The following AGBL1 variants were observed in gnomAD, a reference collection of about 807,000 sequenced individuals.
AGBL1 encodes cytosolic carboxypeptidase 4.
AGBL1 carries 130 observed loss-of-function variants against 118.9 expected under a neutral mutation model. The ratio of observed to expected loss-of-function variants is 1.09; its 90% confidence interval spans 0.95 to 1.26. AGBL1 has a LOEUF of 1.26. Among genes scored for constraint, AGBL1 ranks in the 50% most tolerant of loss-of-function variants. The pLI, the probability that AGBL1 is intolerant of heterozygous loss-of-function variation, is 0.00. For synonymous variants in AGBL1, 555 were observed against 478.9 expected (o/e 1.16, Z -2.08); for missense variants, 1,584 against 1,298.1 (o/e 1.22, Z -3.38).
At chr15:86,597,955 T>C (rs1181674604) in intron 21 of AGBL1, among the ~76,000 whole-genome samples, 1 of 152,124 alleles carries the variant, frequency 6.6e-6, no homozygotes, top group Non-Finnish European at 1.5e-5. Flanking sequence ...TTGTTGATAG[T>C]CCTGATCATC....
intron 21 of AGBL1, among the ~76,000 whole-genome samples, chr15:86,562,802 T>C (rs143734907): frequency 0.04 from 6,155 of 152,268 alleles, 418 homozygotes; most frequent in African/African-American, 0.14. Flanking sequence ...AGGCTATTAA[T>C]TATTGCCTCA....
At chr15:86,675,126 G>A (rs1056237253) in intron 22 of AGBL1, among the ~76,000 whole-genome samples, 5 of 152,140 alleles carry the variant, frequency 3.3e-5, no homozygotes, top group Non-Finnish European at 5.9e-5. Context: ...AGAGGAGAGA[G>A]GATGGAGGGG....
intron 22 of AGBL1, among the ~76,000 whole-genome samples, chr15:86,827,360 TATGTGTGTGTATATATATATATAC>T (rs1596524826): frequency 4.9e-4 from 4 of 8,128 alleles, no homozygotes; most frequent in South Asian, 5.2e-3. Context: ...TATATATATA[TATGTGTGTGTATATATATATATAC>T]ACATATATAT....
chr15:87,020,480 C>G (rs1469117847), intron 24 of AGBL1, among the ~76,000 whole-genome samples: 2 of 151,930 alleles, frequency 1.3e-5, no homozygotes, highest in African/African-American at 4.8e-5. Flanking sequence ...CTATTCAACA[C>G]AGTATTGGAT....
intron 19 of AGBL1, among the ~76,000 whole-genome samples, chr15:86,523,239 G>C (rs1428130381): frequency 2.0e-5 from 3 of 152,214 alleles, no homozygotes; most frequent in African/African-American, 7.2e-5. Context: ...TTCTTTGTCT[G>C]TTCCAGCTTC....
intron 18 of AGBL1, among the ~76,000 whole-genome samples, chr15:86,416,270 C>CT (rs1447449123): frequency 6.6e-6 from 1 of 151,974 alleles, no homozygotes; most frequent in African/African-American, 2.4e-5. Context: ...ATGGCCTATT[C>CT]CAATATAATG....
At chr15:86,517,665 G>C (rs917039578) in intron 18 of AGBL1, among the ~76,000 whole-genome samples, 1 of 151,956 alleles carries the variant, frequency 6.6e-6, no homozygotes, top group African/African-American at 2.4e-5. Flanking sequence ...TTGCTCTCTG[G>C]ATTATTGACT....
At chr15:86,595,449 CA>C (rs1316930190) in intron 21 of AGBL1, among the ~76,000 whole-genome samples, 1 of 152,150 alleles carries the variant, frequency 6.6e-6, no homozygotes, top group Admixed American at 6.5e-5. Flanking sequence ...TCCTTGGCTT[CA>C]ACTATGAATT....
chr15:86,675,776 T>C (rs1324112407), intron 22 of AGBL1, among the ~76,000 whole-genome samples: 1 of 152,160 alleles, frequency 6.6e-6, no homozygotes, highest in Non-Finnish European at 1.5e-5. Flanking sequence ...CTTTCCTTCT[T>C]TCTCTTTTTC....
chr15:86,539,484 C>T (rs932916078), intron 19 of AGBL1, among the ~76,000 whole-genome samples: 7 of 152,156 alleles, frequency 4.6e-5, no homozygotes, highest in African/African-American at 1.4e-4. Flanking sequence ...TTCTAATGAT[C>T]TGATCATCTT....
At chr15:86,084,000 T>C (rs1346291527) in intron 1 of AGBL1, among the ~76,000 whole-genome samples, 2 of 152,174 alleles carry the variant, frequency 1.3e-5, no homozygotes, top group African/African-American at 4.8e-5. Flanking sequence ...AGTTTGAGGC[T>C]TTCTGGGTTT....
chr15:86,380,436 C>T (rs535911880), intron 17 of AGBL1, among the ~76,000 whole-genome samples: 40 of 151,768 alleles, frequency 2.6e-4, no homozygotes, highest in Non-Finnish European at 4.3e-4. Context: ...AGGCGTGCGC[C>T]ACCTGAGCCC....
At chr15:86,219,687 G>A (rs1317493168) in intron 5 of AGBL1, among the ~76,000 whole-genome samples, 2 of 152,148 alleles carry the variant, frequency 1.3e-5, no homozygotes, top group Non-Finnish European at 1.5e-5. Context: ...ACCACACTGT[G>A]CTATGTAGAA....
intron 1 of AGBL1, among the ~76,000 whole-genome samples, chr15:86,133,906 T>C (rs1269714162): frequency 6.6e-6 from 1 of 152,208 alleles, no homozygotes; most frequent in African/African-American, 2.4e-5. Flanking sequence ...CCACCCAGCT[T>C]CTGTAGTGAT....
chr15:86,345,125 G>T (rs1496893), intron 17 of AGBL1, among the ~76,000 whole-genome samples: 100,105 of 151,928 alleles, frequency 0.66, 34,585 homozygotes, highest in Non-Finnish European at 0.77. Context: ...TCTTTACACT[G>T]CCTCTACTGG....
chr15:86,664,410 G>C (rs1290010943), intron 21 of AGBL1, among the ~76,000 whole-genome samples: 1 of 152,182 alleles, frequency 6.6e-6, no homozygotes, highest in Non-Finnish European at 1.5e-5. Context: ...CTTCTCTGTT[G>C]GGTACATGTC....
intron 21 of AGBL1, among the ~76,000 whole-genome samples, chr15:86,660,032 G>T (rs1367807211): frequency 4.0e-5 from 6 of 151,788 alleles, no homozygotes; most frequent in Non-Finnish European, 7.4e-5. Flanking sequence ...AGGCACATTT[G>T]TAGCCACGGC....
chr15:86,718,921 A>C (rs2086676220), intron 22 of AGBL1, among the ~76,000 whole-genome samples: 1 of 152,150 alleles, frequency 6.6e-6, no homozygotes, highest in South Asian at 2.1e-4. Context: ...TTCTGAATAA[A>C]TTTGATTGGA....
rs756313941 is a variant in AGBL1 at position 86,196,879 on chromosome 15, G to GCGCACA, written c.489-28034_489-28033insGCACAC. ...CGAATGTGCACATGTGCGCGCGCGC[G>GCGCACA]CACACACACACACACACACACACAC... On this transcript the variant is annotated intron_variant, in intron 5 of 22. Coordinates refer to ENST00000614907, the MANE Select transcript of AGBL1 (RefSeq NM_001386094.1). Among the ~76,000 whole-genome samples, 668 of 116,984 alleles carry GCGCACA rather than the reference G, an allele frequency of 5.7e-3. 7 individuals carry two copies. The highest frequency in any genetic ancestry group is 9.3e-3 in the Middle Eastern group (2 of 216). 76.7% of individuals were successfully genotyped at this position (116,984 alleles called of 152,430 possible).
Sources: allele counts gnomAD v4.1 joint callset (sites outside exome capture counted in the v4.1 genomes callset), GRCh38; gene constraint gnomAD v4.1.1; transcripts MANE v1.5; gene names NCBI Gene and HGNC (gene_info 2026-07-23, HGNC 2026-07-21).